The following VPS53 variants were observed in gnomAD, a reference collection of about 807,000 sequenced individuals.
The protein encoded by VPS53 is VPS53 subunit of GARP complex, also known as vacuolar protein sorting-associated protein 53 homolog.
VPS53 carries 70 observed loss-of-function variants against 107.0 expected under a neutral mutation model. The ratio of observed to expected loss-of-function variants is 0.65; its 90% confidence interval spans 0.54 to 0.80. The LOEUF (loss-of-function observed/expected upper bound fraction) is 0.80. Ranked by LOEUF, VPS53 falls within the 30% of genes least tolerant of loss-of-function variation. The pLI is 0.00. For synonymous variants in VPS53, 409 were observed against 393.3 expected, an observed-to-expected ratio of 1.04 and a Z score of -0.47; for missense variants, 917 against 1,049.4, an observed-to-expected ratio of 0.87 and a Z score of 1.74.
intron 19 of VPS53, among the ~76,000 whole-genome samples, chr17:525,480 C>T (rs992283025): frequency 2.0e-5 from 3 of 151,394 alleles, no homozygotes; most frequent in Non-Finnish European, 2.9e-5. Context: ...CTTGAGGCTA[C>T]GAATTCAAGA....
intron 4 of VPS53, chr17:675,545 G>C (rs1000804656): frequency 6.6e-6 from 1 of 152,076 alleles, no homozygotes; most frequent in Non-Finnish European, 1.5e-5. Flanking sequence ...AGGCAGAGGC[G>C]GGCGGATCAC....
intron 4 of VPS53, 125 bp downstream of exon 4, chr17:697,293 T>C (rs764325833): frequency 9.6e-6 from 8 of 830,978 alleles, no homozygotes; most frequent in Middle Eastern, 4.6e-4. Context: ...CCCTGTCTTG[T>C]CCTGCCATGT....
intron 11 of VPS53, among the ~76,000 whole-genome samples, chr17:614,750 T>G (rs1019352713): frequency 2.0e-5 from 3 of 152,206 alleles, no homozygotes; most frequent in African/African-American, 7.2e-5. Flanking sequence ...CAAACGCTCT[T>G]ACACTCAAAT....
chr17:554,971 T>G (rs1190234081), intron 15 of VPS53, among the ~76,000 whole-genome samples: 2 of 152,224 alleles, frequency 1.3e-5, no homozygotes, highest in African/African-American at 4.8e-5. Context: ...GTTCAGGCTG[T>G]GTAACAGAAT....
chr17:564,349 A>T (rs1185699031), intron 13 of VPS53, among the ~76,000 whole-genome samples: 1 of 152,166 alleles, frequency 6.6e-6, no homozygotes, highest in East Asian at 1.9e-4. Context: ...GACCATCCTA[A>T]CACGTTGAAA....
At chr17:700,028 C>T (rs73975022) in intron 2 of VPS53, among the ~76,000 whole-genome samples, 4,771 of 152,068 alleles carry the variant, frequency 0.031, 85 homozygotes, top group East Asian at 0.07. Context: ...TGGCTATGTT[C>T]ATTTTGTGAA....
intron 12 of VPS53, among the ~76,000 whole-genome samples, chr17:587,948 CCAT>C (rs1967410721): frequency 6.6e-6 from 1 of 152,176 alleles, no homozygotes; most frequent in African/African-American, 2.4e-5. Context: ...GCCCTCACCA[CCAT>C]CAAGGCAGTA....
At chr17:558,708 G>A (rs369539456) in intron 15 of VPS53, among the ~76,000 whole-genome samples, 77 of 148,866 alleles carry the variant, frequency 5.2e-4, no homozygotes, top group African/African-American at 1.9e-3. Flanking sequence ...GTACAAGGCC[G>A]GGCACAGGGG....
intron 11 of VPS53, 121 bp from the exon 12 acceptor site, chr17:602,017 A>T: frequency 1.6e-6 from 1 of 633,572 alleles, no homozygotes; most frequent in Non-Finnish European, 2.5e-6. Flanking sequence ...GATAAAGAAG[A>T]ACTGAGGCAA....
chr17:712,951 G>C (rs1022225856), intron 1 of VPS53, among the ~76,000 whole-genome samples: 3 of 152,308 alleles, frequency 2.0e-5, no homozygotes, highest in African/African-American at 4.8e-5. Flanking sequence ...TGGTGGAGCC[G>C]TGTGGCCGGA....
intron 11 of VPS53, among the ~76,000 whole-genome samples, chr17:606,065 C>T (rs1968563077): frequency 1.3e-5 from 2 of 152,060 alleles, no homozygotes; most frequent in Admixed American, 6.5e-5. Flanking sequence ...GCCAGTGTTC[C>T]AGGAAAGGGC....
chr17:642,768 GAGGACAACACTCATACTTGGAAATCA>G (rs1970483626), intron 7 of VPS53, among the ~76,000 whole-genome samples: 3 of 145,908 alleles, frequency 2.1e-5, no homozygotes, highest in South Asian at 4.5e-4. Flanking sequence ...CTTGGAAAGC[GAGGACAACACTCATACTTGGAAATCA>G]AGGACAACAC....
intron 4 of VPS53, among the ~76,000 whole-genome samples, chr17:684,227 A>C (rs896446013): frequency 1.3e-5 from 2 of 152,212 alleles, no homozygotes; most frequent in Non-Finnish European, 2.9e-5. Flanking sequence ...TCCATATCAC[A>C]CTGTAGGTCC....
Position 701,303 on chromosome 17 carries a change from G to A in VPS53, c.169-1923C>T, listed in dbSNP as rs113924685. Among the ~76,000 whole-genome samples, 16 of 151,548 alleles carry A rather than the reference G, an allele frequency of 1.1e-4. 1 individual carries two copies. The highest frequency in any genetic ancestry group is 3.6e-4 in the African/African-American group (15 of 41,368). On this transcript the variant is annotated intron_variant, in intron 2 of 21. Transcript: ENST00000437048. ...TTTGCACCACTGCACTCCAGCCTGG[G>A]CTAAACAGCCCTGTCTCAAAAAAAA...
At chr17:562,822 C>T (rs1913150619) in intron 13 of VPS53, 77 bp from the exon 14 acceptor site, 2 of 1,484,500 alleles carry the variant, frequency 1.3e-6, no homozygotes, top group East Asian at 2.3e-5. Flanking sequence ...TTGCAATGTA[C>T]ATAAACTACT....
chr17:655,355 G>A (rs1971145291), intron 6 of VPS53, among the ~76,000 whole-genome samples: 1 of 149,126 alleles, frequency 6.7e-6, no homozygotes. Flanking sequence ...TGTCTCATAG[G>A]GTCTCTTCCA....
At chr17:690,133 A>G (rs1034142380) in intron 4 of VPS53, among the ~76,000 whole-genome samples, 11 of 152,316 alleles carry the variant, frequency 7.2e-5, no homozygotes, top group African/African-American at 1.7e-4. Flanking sequence ...GAAGACACAG[A>G]AGGCATGTCT....
intron 11 of VPS53, among the ~76,000 whole-genome samples, chr17:607,649 T>C (rs973425803): frequency 6.6e-5 from 10 of 152,206 alleles, no homozygotes; most frequent in African/African-American, 2.2e-4. Flanking sequence ...TTTCATGAAC[T>C]CTGAGGCTGC....
rs1447788358 is a variant in VPS53 at position 519,758 on chromosome 17, A to C, written c.2328+68T>G. On this transcript the variant is annotated intron_variant, in intron 21 of 21. Coordinates refer to ENST00000437048, the MANE Select transcript of VPS53 (RefSeq NM_001128159.3). This position sits in a 1 kb window ranked among gnomAD's most constrained non-coding sequence, Gnocchi z 5.0. ...AAGCCCCCCCGGAACTTATATCCCA[A>C]TTCCCGGTTAAGAACCGCTGAGTGT... 3.3e-6 allele frequency: 4 copies of C among 1,206,226 alleles called. No individual in the cohort carries two copies. Among genetic ancestry groups the C allele is most frequent in the Non-Finnish European group, 4.8e-6 (4 of 836,744 alleles). 74.7% of individuals were successfully genotyped at this position (1,206,226 alleles called of 1,614,324 possible).
Sources: gnomAD v4.1 joint callset for allele counts (sites outside exome capture counted in the v4.1 genomes callset) on GRCh38, gnomAD v4.1.1 for gene constraint, Gnocchi (gnomAD v3.1) non-coding constraint, MANE v1.5 for transcripts, NCBI Gene and HGNC (gene_info 2026-07-23, HGNC 2026-07-21) for gene names.